Variants in CEP15 observed in about 807,000 individuals in gnomAD.
CEP15 encodes centrosomal protein 15 kDa.
the CEP15 span, among the ~76,000 whole-genome samples, chr3:62,331,943 T>C: frequency 2.0e-5 from 3 of 152,180 alleles, no homozygotes; most frequent in Non-Finnish European, 4.4e-5. Flanking sequence ...TTACTACATA[T>C]GGAATAGTTT....
the CEP15 span, among the ~76,000 whole-genome samples, chr3:62,321,224 C>T: frequency 6.6e-6 from 1 of 152,002 alleles, no homozygotes; most frequent in Non-Finnish European, 1.5e-5. The surrounding 1 kb of genome is among the most constrained non-coding windows in gnomAD (Gnocchi z 4.1). Flanking sequence ...CTAAAAAGAA[C>T]AAAAACATAT....
At chr3:62,330,519 C>T in the CEP15 span, among the ~76,000 whole-genome samples, 1 of 152,122 alleles carries the variant, frequency 6.6e-6, no homozygotes, top group Admixed American at 6.5e-5. Flanking sequence ...GCATTTACTT[C>T]ATGTATATAT....
At chr3:62,320,472 A>G in the CEP15 span, 3 of 1,611,716 alleles carry the variant, frequency 1.9e-6, no homozygotes, top group African/African-American at 1.3e-5. Flanking sequence ...TTGATTAAAG[A>G]TGACTTCCTT....
At chr3:62,326,371 C>A in the CEP15 span, among the ~76,000 whole-genome samples, 1 of 152,048 alleles carries the variant, frequency 6.6e-6, no homozygotes, top group Non-Finnish European at 1.5e-5. Flanking sequence ...TTTTTCTATC[C>A]CAGAAATTGG....
At chr3:62,331,802 A>T in the CEP15 span, among the ~76,000 whole-genome samples, 1 of 152,158 alleles carries the variant, frequency 6.6e-6, no homozygotes, top group Admixed American at 6.6e-5. Flanking sequence ...AGCTAATTAA[A>T]TGCATATTAT....
chr3:62,333,354 G>C, the CEP15 span: 2 of 1,611,334 alleles, frequency 1.2e-6, no homozygotes, highest in South Asian at 1.1e-5. The surrounding 1 kb of genome is among the most constrained non-coding windows in gnomAD (Gnocchi z 4.0). Context: ...TCAAAATGAA[G>C]CAGAAAATAC....
the CEP15 span, chr3:62,324,023 C>T: frequency 6.6e-6 from 1 of 152,022 alleles, no homozygotes. Flanking sequence ...TCCTACTTTC[C>T]TCGTATGTTT....
the CEP15 span, among the ~76,000 whole-genome samples, chr3:62,320,116 G>C: frequency 6.6e-6 from 1 of 152,282 alleles, no homozygotes; most frequent in Admixed American, 6.5e-5. Flanking sequence ...TTCCTGTGTT[G>C]AATTTTACAG....
chr3:62,324,171 C>T, the CEP15 span: 3 of 152,124 alleles, frequency 2.0e-5, no homozygotes, highest in Non-Finnish European at 4.4e-5. Context: ...TGGAGGATCA[C>T]TTGAGCCCAG....
At chr3:62,325,969 G>A in the CEP15 span, among the ~76,000 whole-genome samples, 466 of 150,204 alleles carry the variant, frequency 3.1e-3, 3 homozygotes, top group African/African-American at 0.011. Context: ...GGGTTGCAGT[G>A]AGCGAGATTG....
the CEP15 span, chr3:62,335,738 G>GTT: frequency 6.6e-6 from 1 of 150,688 alleles, no homozygotes; most frequent in South Asian, 2.1e-4. Flanking sequence ...TGAATTTATG[G>GTT]TTTTTTTTTA....
chr3:62,323,324 C>T, the CEP15 span, among the ~76,000 whole-genome samples: 9 of 152,194 alleles, frequency 5.9e-5, no homozygotes, highest in African/African-American at 2.2e-4. Flanking sequence ...CTAGAATATT[C>T]CAAAAGGTCT....
chr3:62,326,444 A>C, the CEP15 span, among the ~76,000 whole-genome samples: 1 of 152,224 alleles, frequency 6.6e-6, no homozygotes, highest in South Asian at 2.1e-4. Flanking sequence ...GTATATATTT[A>C]TAGTGAGGTA....
At chr3:62,324,403 G>A in the CEP15 span, among the ~76,000 whole-genome samples, 1 of 151,924 alleles carries the variant, frequency 6.6e-6, no homozygotes, top group Non-Finnish European at 1.5e-5. Context: ...CTCTGTGTCT[G>A]GGGAAAAATA....
chr3:62,322,102 A>G, the CEP15 span: 1 of 1,567,044 alleles, frequency 6.4e-7, no homozygotes, highest in South Asian at 1.2e-5. The surrounding 1 kb of genome is among the most constrained non-coding windows in gnomAD (Gnocchi z 5.5). Flanking sequence ...CTTCTCAAAA[A>G]TCTTTTAGGT....
chr3:62,327,373 A>T, the CEP15 span, among the ~76,000 whole-genome samples: 19 of 152,346 alleles, frequency 1.2e-4, no homozygotes, highest in Non-Finnish European at 1.5e-5. Context: ...AAAAATTCGT[A>T]ATTAAATATC....
At chr3:62,324,986 G>T in the CEP15 span, among the ~76,000 whole-genome samples, 4 of 152,088 alleles carry the variant, frequency 2.6e-5, no homozygotes, top group Non-Finnish European at 4.4e-5. Context: ...TATAATATGA[G>T]TTAAGTAAAA....
At chr3:62,320,572 T>C in the CEP15 span, 1 of 1,456,552 alleles carries the variant, frequency 6.9e-7, no homozygotes, top group Non-Finnish European at 9.6e-7. Context: ...TGGACTGGCT[T>C]TGTTAGTGAA....
the CEP15 span, among the ~76,000 whole-genome samples, chr3:62,331,167 A>G: frequency 1.3e-5 from 2 of 152,156 alleles, no homozygotes; most frequent in African/African-American, 2.4e-5. Flanking sequence ...GATTAATTGA[A>G]CAATGATCAG....
Sources: gnomAD v4.1 joint callset for allele counts (sites outside exome capture counted in the v4.1 genomes callset) on GRCh38, gnomAD v4.1.1 for gene constraint, Gnocchi (gnomAD v3.1) non-coding constraint, MANE v1.5 for transcripts, NCBI Gene and HGNC (gene_info 2026-07-23, HGNC 2026-07-21) for gene names.